Variants in CRTC3 observed in about 807,000 individuals in gnomAD.
The protein encoded by CRTC3 is CREB regulated transcription coactivator 3.
Under a neutral mutation model 74.5 loss-of-function variants are expected in CRTC3, and 26 were observed. The ratio of observed to expected loss-of-function variants is 0.35; its 90% confidence interval spans 0.26 to 0.48. The LOEUF (loss-of-function observed/expected upper bound fraction) is 0.48, where lower values mean the gene tolerates loss of function less well. Among genes scored for constraint, CRTC3 ranks in the 20% least tolerant of loss-of-function variants. CRTC3 has a pLI of 0.99. For missense variants in CRTC3, 760 were observed against 787.3 expected, an observed-to-expected ratio of 0.97 and a Z score of 0.41; for synonymous variants, 377 against 325.8, an observed-to-expected ratio of 1.16 and a Z score of -1.69.
intron 3 of CRTC3, among the ~76,000 whole-genome samples, chr15:90,600,840 T>C (rs746586025): frequency 2.0e-5 from 3 of 152,182 alleles, no homozygotes; most frequent in Non-Finnish European, 2.9e-5. Context: ...TTTAATCCAA[T>C]CAGTGATCCA....
intron 9 of CRTC3, among the ~76,000 whole-genome samples, chr15:90,620,510 A>G (rs895690836): frequency 1.3e-5 from 2 of 152,108 alleles, no homozygotes; most frequent in African/African-American, 2.4e-5. Flanking sequence ...CGAGGAGATG[A>G]GAGAGATAAT....
intron 10 of CRTC3, among the ~76,000 whole-genome samples, chr15:90,627,825 A>AG (rs1419559960): frequency 3.6e-5 from 5 of 138,662 alleles, no homozygotes; most frequent in South Asian, 2.6e-4. Flanking sequence ...CTTGTTAGCC[A>AG]GGATGGTCTT....
At position 90,548,564 on chromosome 15, in the gene CRTC3, T is replaced by G. The variant is rs148953027; in HGVS notation, c.231+8427T>G. Among the ~76,000 whole-genome samples, 310 of 152,276 alleles carry G rather than the reference T, an allele frequency of 2.0e-3. 1 individual carries two copies. Among genetic ancestry groups the G allele is most frequent in the Non-Finnish European group, 3.9e-3 (262 of 68,020 alleles). Reference sequence around the variant, plus strand: ...CTTTACTGCATTTCCTTTCAAGTTTTCATAAGGTTCTTTAAAGGAAAAAAA... The same window carrying G: ...CTTTACTGCATTTCCTTTCAAGTTTGCATAAGGTTCTTTAAAGGAAAAAAA... On this transcript the variant is annotated intron_variant, in intron 2 of 14. Coordinates refer to ENST00000268184, the MANE Select transcript of CRTC3 (RefSeq NM_022769.5).
At position 90,608,093 on chromosome 15, in the gene CRTC3, G is replaced by C. The variant is rs564921138; in HGVS notation, c.577+615G>C. Among the ~76,000 whole-genome samples, 22 of 152,256 alleles carry C rather than the reference G, an allele frequency of 1.4e-4. No individual in the cohort carries two copies. In the East Asian group the frequency reaches 3.5e-3, roughly 24 times the overall value. Reference sequence around the variant, plus strand: ...CCTGCTGCCTTGAGATGGGGGAAGAGGAGGTCGGGCTGGAACTGTGCATCA... The same window carrying C: ...CCTGCTGCCTTGAGATGGGGGAAGACGAGGTCGGGCTGGAACTGTGCATCA... On this transcript the variant is annotated intron_variant, in intron 6 of 14. Transcript: ENST00000268184.
intron 5 of CRTC3, 21 bp from the exon 6 acceptor site, chr15:90,607,357 C>T (rs1968249355): frequency 6.9e-7 from 1 of 1,449,806 alleles, no homozygotes; most frequent in Non-Finnish European, 9.6e-7. Flanking sequence ...TTTCAGCCAG[C>T]CTCTCTCCTC....
At position 90,530,134 on chromosome 15, in the gene CRTC3, G is replaced by A. The variant is rs1284833419; in HGVS notation, c.63G>A (p.Leu21=). The part of the protein sequence containing the change: ...NPRKFSEKIA[L]HTQRQAEETR... ...GGAAGTTCAGTGAGAAGATCGCGCT[G>A]CACACGCAGAGACAGGCCGAGGAGA... The change falls in exon 1 of 15, where the codon CTG becomes CTA. Residue 21 remains leucine (L), a synonymous_variant. Coordinates refer to ENST00000268184, the MANE Select transcript of CRTC3 (RefSeq NM_022769.5). The surrounding 1 kb of genome is among the most constrained non-coding windows in gnomAD (Gnocchi z 6.2). 6.9e-7 allele frequency: 1 copy of A among 1,458,806 alleles called. No individual in the cohort carries two copies. The highest frequency in any genetic ancestry group is 2.0e-5 in the Admixed American group (1 of 49,464). The allele number at this position is 1,458,806 out of a possible 1,614,324, so 90.4% of individuals were successfully genotyped here.
intron 2 of CRTC3, among the ~76,000 whole-genome samples, chr15:90,574,857 G>C (rs1967367086): frequency 6.6e-6 from 1 of 152,018 alleles, no homozygotes; most frequent in Non-Finnish European, 1.5e-5. Context: ...TGAACAATCT[G>C]TTCATATCTT....
chr15:90,546,356 G>A lies in CRTC3; in HGVS notation c.231+6219G>A, dbSNP rs1966844290. 2.0e-5 allele frequency among the ~76,000 whole-genome samples: 3 copies of A among 152,242 alleles called. No individual in the cohort carries two copies. In the South Asian group the frequency reaches 6.2e-4, roughly 32 times the overall value. On this transcript the variant is annotated intron_variant, in intron 2 of 14. Coordinates refer to ENST00000268184, the MANE Select transcript of CRTC3 (RefSeq NM_022769.5). ...TTGAAAATCAATTGACCATATACAT[G>A]TGGGTCTATTTCCGGACTCTTCTGT...
intron 8 of CRTC3, among the ~76,000 whole-genome samples, chr15:90,618,677 A>G (rs934093261): frequency 2.0e-5 from 3 of 152,234 alleles, no homozygotes. Flanking sequence ...CCACCTGTTT[A>G]GGATCCCTTT....
intron 3 of CRTC3, chr15:90,594,082 G>C: frequency 5.2e-6 from 1 of 193,258 alleles, no homozygotes; most frequent in South Asian, 1.7e-4. Context: ...CTTTGAATCA[G>C]GTTAGAGAGC....
intron 2 of CRTC3, among the ~76,000 whole-genome samples, chr15:90,590,086 T>A (rs1967764732): frequency 6.6e-6 from 1 of 150,554 alleles, no homozygotes; most frequent in South Asian, 2.1e-4. Flanking sequence ...AGGTCAGGAG[T>A]TCGAGACCAG....
intron 11 of CRTC3, among the ~76,000 whole-genome samples, chr15:90,635,888 T>C (rs1179220551): frequency 6.6e-6 from 1 of 152,066 alleles, no homozygotes; most frequent in Admixed American, 6.5e-5. Flanking sequence ...TACAAACCAC[T>C]GCTCAATGAA....
intron 11 of CRTC3, chr15:90,634,848 T>C (rs1405556707): frequency 3.9e-6 from 6 of 1,540,024 alleles, no homozygotes; most frequent in Non-Finnish European, 3.6e-6. Flanking sequence ...AGGAAAAGTA[T>C]TGCAAGCAAC....
In CRTC3 at chr15:90,530,055, C is replaced by G; in HGVS notation, c.-17C>G. The G allele has an allele frequency of 6.4e-6, 9 of 1,411,628 alleles. No homozygotes were observed. Among genetic ancestry groups the G allele is most frequent in the Non-Finnish European group, 8.4e-6 (9 of 1,066,640 alleles). The allele number at this position is 1,411,628 out of a possible 1,614,324, so 87.4% of individuals were successfully genotyped here. A position where few individuals can be genotyped will look rare whatever the true frequency, so the allele number is the denominator to read the frequency against. On this transcript the variant is annotated 5_prime_UTR_variant, in exon 1 of 15. Transcript: ENST00000268184. This position sits in a 1 kb window ranked among gnomAD's most constrained non-coding sequence, Gnocchi z 6.2. The stretch of plus-strand genomic sequence containing the variant: ...ACGGCCGCCGTCTCCCGCTTCTGCC[C>G]GCGCAGAGTCCGCGCCATGGCCGCC...
intron 1 of CRTC3, among the ~76,000 whole-genome samples, chr15:90,536,490 C>CAAAA (rs34900618): frequency 2.8e-5 from 4 of 141,646 alleles, no homozygotes; most frequent in Non-Finnish European, 4.6e-5. Flanking sequence ...GACCCTGTCT[C>CAAAA]AAAAAAAAAA....
At chr15:90,612,143 T>A (rs994710431) in intron 6 of CRTC3, among the ~76,000 whole-genome samples, 2 of 146,992 alleles carry the variant, frequency 1.4e-5, no homozygotes, top group Non-Finnish European at 3.0e-5. Flanking sequence ...TCGCTTCCGG[T>A]TGTCTAAATC....
intron 9 of CRTC3, among the ~76,000 whole-genome samples, chr15:90,620,591 C>A (rs1345095810): frequency 1.3e-5 from 2 of 152,066 alleles, no homozygotes; most frequent in East Asian, 3.9e-4. Flanking sequence ...GTACAGACAG[C>A]TGCTGGGGAG....
At chr15:90,561,107 G>C (rs1160787940) in intron 2 of CRTC3, among the ~76,000 whole-genome samples, 1 of 152,186 alleles carries the variant, frequency 6.6e-6, no homozygotes, top group East Asian at 1.9e-4. Context: ...TCACTCATCT[G>C]CAAGATGTGG....
Position 90,642,431 on chromosome 15 carries a change from T to G in CRTC3, c.*291T>G. 1 of 482,182 alleles carries G rather than the reference T, an allele frequency of 2.1e-6. No homozygotes were observed. The highest frequency in any genetic ancestry group is 3.8e-6 in the Non-Finnish European group (1 of 263,324). The allele number at this position is 482,182 out of a possible 1,614,324, so 29.9% of individuals were successfully genotyped here. ...CTCCACTGCATCTTTTTACTGGCCATCCAGTCAGCCGATGTGTAAGAGTAG... is the reference window on the plus strand; with the variant it reads ...CTCCACTGCATCTTTTTACTGGCCAGCCAGTCAGCCGATGTGTAAGAGTAG... On this transcript the variant is annotated 3_prime_UTR_variant, in exon 15 of 15. Transcript: ENST00000268184.
Sources: gnomAD v4.1 joint callset for allele counts (sites outside exome capture counted in the v4.1 genomes callset) on GRCh38, gnomAD v4.1.1 for gene constraint, Gnocchi (gnomAD v3.1) non-coding constraint, MANE v1.5 for transcripts, NCBI Gene and HGNC (gene_info 2026-07-23, HGNC 2026-07-21) for gene names.